Variants in FSTL5 observed in about 807,000 individuals in gnomAD.
FSTL5 encodes follistatin like 5, also known as follistatin-related protein 5.
In FSTL5, 62 loss-of-function variants were observed where a neutral mutation model predicts 89.1. The observed-to-expected ratio is 0.70, with a 90% CI of 0.57 to 0.86. FSTL5 has a LOEUF of 0.86. Ranked by LOEUF, FSTL5 falls within the 40% of genes least tolerant of loss-of-function variation. FSTL5 has a pLI of 0.00. For missense variants in FSTL5, 1,057 were observed against 1,001.6 expected (o/e 1.06, Z -0.75); for synonymous variants, 383 against 346.2 (o/e 1.11, Z -1.18).
chr4:161,758,492 A>G (rs1200049371), intron 6 of FSTL5, among the ~76,000 whole-genome samples: 1 of 151,724 alleles, frequency 6.6e-6, no homozygotes, highest in Non-Finnish European at 1.5e-5. Context: ...ATTGTTTCTT[A>G]GTCCTTTCTC....
chr4:161,761,018 T>G (rs2126790697), intron 5 of FSTL5, among the ~76,000 whole-genome samples: 1 of 152,332 alleles, frequency 6.6e-6, no homozygotes, highest in Non-Finnish European at 1.5e-5. Context: ...CATGCAGTGC[T>G]AAATAGAACT....
chr4:161,838,710 T>C (rs1039826001), intron 4 of FSTL5, among the ~76,000 whole-genome samples: 4 of 152,046 alleles, frequency 2.6e-5, no homozygotes, highest in Admixed American at 2.6e-4. Context: ...TGCCAAAATA[T>C]AAATATATAT....
intron 3 of FSTL5, among the ~76,000 whole-genome samples, chr4:161,960,845 G>T (rs2110979328): frequency 6.6e-6 from 1 of 151,934 alleles, no homozygotes; most frequent in East Asian, 1.9e-4. Context: ...GGATCAGATA[G>T]AAATAGGAAA....
At chr4:161,847,327 A>T (rs1230314005) in intron 4 of FSTL5, among the ~76,000 whole-genome samples, 1 of 152,232 alleles carries the variant, frequency 6.6e-6, no homozygotes. Flanking sequence ...TAAAAGCATT[A>T]TCTAAGCATT....
Position 162,132,629 on chromosome 4 carries a change from T to C in FSTL5, c.-16-21217A>G, listed in dbSNP as rs57618359. ...CACATTGTTCCTCAGAGTTTGGCAATAGGACATCTATGCCTACTGCATAGA... is the reference window on the plus strand; with the variant it reads ...CACATTGTTCCTCAGAGTTTGGCAACAGGACATCTATGCCTACTGCATAGA... On this transcript the variant is annotated intron_variant, in intron 1 of 15. Coordinates refer to ENST00000306100, the MANE Select transcript of FSTL5 (RefSeq NM_020116.5). 2.9e-3 allele frequency among the ~76,000 whole-genome samples: 438 copies of C among 152,290 alleles called. 3 individuals carry two copies. The highest frequency in any genetic ancestry group is 9.9e-3 in the African/African-American group (413 of 41,560).
intron 3 of FSTL5, among the ~76,000 whole-genome samples, chr4:162,020,624 G>A (rs1313091379): frequency 6.6e-6 from 1 of 151,920 alleles, no homozygotes; most frequent in Non-Finnish European, 1.5e-5. Flanking sequence ...CCTGGCTAGC[G>A]AATGTCAAAG....
intron 3 of FSTL5, among the ~76,000 whole-genome samples, chr4:161,929,285 G>A (rs1399344713): frequency 2.0e-5 from 3 of 148,646 alleles, no homozygotes; most frequent in Non-Finnish European, 1.5e-5. Context: ...TAATGGTATG[G>A]GTCTGTTTCT....
chr4:161,423,043 A>G (rs1209033852), intron 15 of FSTL5, among the ~76,000 whole-genome samples: 1 of 152,212 alleles, frequency 6.6e-6, no homozygotes, highest in East Asian at 1.9e-4. Flanking sequence ...CTGTGAATTA[A>G]TAATGAGAGA....
chr4:161,818,209 G>A (rs1054287228), intron 4 of FSTL5, among the ~76,000 whole-genome samples: 11 of 152,166 alleles, frequency 7.2e-5, no homozygotes, highest in African/African-American at 2.7e-4. Flanking sequence ...CAGTAGATAC[G>A]GAGTTTGGCT....
At chr4:161,636,423 T>G (rs976764771) in intron 7 of FSTL5, among the ~76,000 whole-genome samples, 4 of 151,474 alleles carry the variant, frequency 2.6e-5, no homozygotes, top group African/African-American at 9.7e-5. Flanking sequence ...AAGAAGATTT[T>G]GACTTTTTGA....
At chr4:161,438,102 A>G (rs1411226793) in intron 15 of FSTL5, among the ~76,000 whole-genome samples, 3 of 152,230 alleles carry the variant, frequency 2.0e-5, no homozygotes, top group Non-Finnish European at 2.9e-5. Context: ...ACTACCAAGC[A>G]TATGTGCAAA....
chr4:161,970,632 A>T (rs1735457241), intron 3 of FSTL5, among the ~76,000 whole-genome samples: 1 of 152,086 alleles, frequency 6.6e-6, no homozygotes, highest in Non-Finnish European at 1.5e-5. Context: ...GCAGTGGAAA[A>T]CAGAGATTTT....
At chr4:161,629,461 G>A (rs1242565713) in intron 7 of FSTL5, among the ~76,000 whole-genome samples, 5 of 151,980 alleles carry the variant, frequency 3.3e-5, no homozygotes, top group Non-Finnish European at 7.4e-5. Context: ...TCCTGTCTCA[G>A]CCTCCCTGGT....
At chr4:161,868,413 C>G (rs538465931) in intron 4 of FSTL5, among the ~76,000 whole-genome samples, 21 of 150,308 alleles carry the variant, frequency 1.4e-4, no homozygotes, top group Non-Finnish European at 2.8e-4. Flanking sequence ...CTGATACTCT[C>G]TGGAACTAAG....
At chr4:161,686,327 TATATATA>T in intron 6 of FSTL5, among the ~76,000 whole-genome samples, 1 of 8,138 alleles carries the variant, frequency 1.2e-4, no homozygotes, top group Non-Finnish European at 3.2e-4. Context: ...TATATATATA[TATATATA>T]TATATATATA....
rs76419600 is a variant in FSTL5, at chr4:161,428,431, G to A, written c.1841+26573C>T. Among the ~76,000 whole-genome samples the A allele has an allele frequency of 3.4e-3, 523 of 152,304 alleles. 12 individuals carry two copies. The East Asian group carries it at 0.054, about 16-fold the overall frequency. The stretch of plus-strand genomic sequence containing the variant: ...TGCACCACCCCTCCGCCAACCCCAG[G>A]TAGTGCAGCTTGCAGCTTCGGGACA... On this transcript the variant is annotated intron_variant, in intron 15 of 15. Coordinates refer to ENST00000306100, the MANE Select transcript of FSTL5 (RefSeq NM_020116.5).
intron 3 of FSTL5, among the ~76,000 whole-genome samples, chr4:161,955,472 C>G (rs963092532): frequency 6.6e-6 from 1 of 151,746 alleles, no homozygotes; most frequent in Non-Finnish European, 1.5e-5. Context: ...TTTGAGAAAT[C>G]AGTCCAAAGC....
intron 3 of FSTL5, among the ~76,000 whole-genome samples, chr4:162,029,702 TGCA>T (rs1437057894): frequency 6.6e-6 from 1 of 152,056 alleles, no homozygotes; most frequent in Non-Finnish European, 1.5e-5. Context: ...TATGTAAATT[TGCA>T]AGAGAGTCAA....
At chr4:161,774,199 T>C (rs1387467883) in intron 5 of FSTL5, among the ~76,000 whole-genome samples, 1 of 152,128 alleles carries the variant, frequency 6.6e-6, no homozygotes, top group Non-Finnish European at 1.5e-5. Context: ...GAGGACAACA[T>C]GTGACTATAG....
Sources: allele counts gnomAD v4.1 joint callset (sites outside exome capture counted in the v4.1 genomes callset), GRCh38; gene constraint gnomAD v4.1.1; transcripts MANE v1.5; gene names NCBI Gene and HGNC (gene_info 2026-07-23, HGNC 2026-07-21).